TANC2: variants seen among roughly 807,000 people sequenced by gnomAD.
TANC2 encodes the protein protein TANC2.
TANC2 carries 26 observed loss-of-function variants against 210.5 expected under a neutral mutation model. The ratio of observed to expected loss-of-function variants is 0.12; its 90% CI spans 0.09 to 0.17. The LOEUF is 0.17. Ranked by LOEUF, TANC2 falls within the 10% of genes least tolerant of loss-of-function variation. The pLI, the probability that TANC2 is intolerant of heterozygous loss-of-function variation, is 1.00. For synonymous variants in TANC2, 931 were observed against 967.1 expected (o/e 0.96, Z 0.69); for missense variants, 2,129 against 2,608.9 (o/e 0.82, Z 4.01).
At chr17:63,103,781 A>G (rs2037720886) in intron 4 of TANC2, among the ~76,000 whole-genome samples, 1 of 152,180 alleles carries the variant, frequency 6.6e-6, no homozygotes, top group Non-Finnish European at 1.5e-5. Context: ...CGCACTTTTT[A>G]ATGAGTAATA....
exon 16 of TANC2, chr17:63,388,668 A>G: frequency 1.2e-6 from 2 of 1,607,272 alleles, no homozygotes; most frequent in South Asian, 1.1e-5. Flanking sequence ...ATCATCCTCC[A>G]TCCTCCAAGG....
intron 6 of TANC2, among the ~76,000 whole-genome samples, chr17:63,199,236 G>C (rs373601730): frequency 3.9e-5 from 6 of 152,040 alleles, no homozygotes; most frequent in African/African-American, 1.4e-4. Context: ...GAAGTTGAAA[G>C]GCTTCTTTTA....
At chr17:63,106,168 A>T (rs1294789678) in intron 4 of TANC2, among the ~76,000 whole-genome samples, 1 of 151,546 alleles carries the variant, frequency 6.6e-6, no homozygotes, top group African/African-American at 2.4e-5. Flanking sequence ...TGAAGAGGTT[A>T]TTTCTGTAGT....
intron 2 of TANC2, among the ~76,000 whole-genome samples, chr17:63,037,427 A>C (rs1238619097): frequency 6.6e-6 from 1 of 152,138 alleles, no homozygotes; most frequent in Non-Finnish European, 1.5e-5. Context: ...GGGTAACTGA[A>C]ACCATAGAAA....
exon 6 of TANC2, chr17:63,194,070 C>G: frequency 6.2e-7 from 1 of 1,613,280 alleles, no homozygotes; most frequent in Non-Finnish European, 8.5e-7. Flanking sequence ...TGGGTTTCCT[C>G]CTTGGAGAGA....
chr17:63,410,205 T>C (rs2147326383), intron 21 of TANC2, among the ~76,000 whole-genome samples: 1 of 152,316 alleles, frequency 6.6e-6, no homozygotes, highest in East Asian at 1.9e-4. Flanking sequence ...TATATTGTTA[T>C]TAACTATCAC....
Position 63,274,634 on chromosome 17 carries a change from T to TA in TANC2, c.1159+6765dup, listed in dbSNP as rs1234185317. Reference sequence around the variant, plus strand: ...TTCGAGACCACCCTGGGCAACATGGTAAAACCCCATCTCTACTTTAAAAAA... The same window carrying TA: ...TTCGAGACCACCCTGGGCAACATGGTAAAAACCCCATCTCTACTTTAAAAAA... On this transcript the variant is annotated intron_variant, in intron 9 of 27. Transcript: ENST00000689528. 3.3e-5 allele frequency among the ~76,000 whole-genome samples: 5 copies of TA among 151,998 alleles called. No homozygotes were observed. In the East Asian group the frequency reaches 9.6e-4, roughly 29 times the overall value.
chr17:63,223,499 C>G lies in TANC2; in HGVS notation c.770-14315C>G, dbSNP rs16946805. Among the ~76,000 whole-genome samples, 849 of 152,046 alleles carry G rather than the reference C, an allele frequency of 5.6e-3. 11 individuals are homozygous for G. Among genetic ancestry groups the G allele is most frequent in the African/African-American group, 0.02 (817 of 41,466 alleles). The stretch of plus-strand genomic sequence containing the variant: ...GCAGTGTATGGCAACAGTAGCAGTC[C>G]GAAGCAGGAGCAACAGCAGACACAG... On this transcript the variant is annotated intron_variant, in intron 7 of 27. Transcript: ENST00000689528.
At chr17:63,091,035 G>A (rs567510120) in intron 3 of TANC2, among the ~76,000 whole-genome samples, 119 of 151,036 alleles carry the variant, frequency 7.9e-4, no homozygotes, top group African/African-American at 2.7e-3. Context: ...CATATCCTTT[G>A]CCCACTTGTT....
chr17:63,121,326 AT>A (rs1244168499), intron 4 of TANC2, among the ~76,000 whole-genome samples: 6 of 152,100 alleles, frequency 3.9e-5, no homozygotes, highest in Non-Finnish European at 8.8e-5. Context: ...GAAGTAGTGC[AT>A]TTTTGTAGTG....
intron 7 of TANC2, among the ~76,000 whole-genome samples, chr17:63,227,680 C>T (rs1189122381): frequency 6.6e-6 from 1 of 151,930 alleles, no homozygotes; most frequent in Admixed American, 6.6e-5. Flanking sequence ...AAATCTTTAC[C>T]CATGCCTATG....
At chr17:63,038,483 T>C (rs1205512719) in intron 2 of TANC2, among the ~76,000 whole-genome samples, 1 of 152,148 alleles carries the variant, frequency 6.6e-6, no homozygotes, top group Non-Finnish European at 1.5e-5. Flanking sequence ...TAGTTTTCTT[T>C]TTTTGGTAAT....
chr17:63,126,035 G>C (rs534290653), intron 4 of TANC2, among the ~76,000 whole-genome samples: 1 of 152,262 alleles, frequency 6.6e-6, no homozygotes, highest in African/African-American at 2.4e-5. Flanking sequence ...GGTAGTAATA[G>C]TACCTACTAC....
chr17:63,327,045 T>G (rs539638497), intron 11 of TANC2, among the ~76,000 whole-genome samples: 13 of 152,040 alleles, frequency 8.6e-5, no homozygotes, highest in Admixed American at 1.3e-4. Flanking sequence ...AAAAACAACC[T>G]GATTAAAAAA....
At chr17:63,114,806 G>T (rs2038191190) in intron 4 of TANC2, among the ~76,000 whole-genome samples, 1 of 152,114 alleles carries the variant, frequency 6.6e-6, no homozygotes, top group African/African-American at 2.4e-5. Context: ...AATCATAAAG[G>T]AGTTAAAAAT....
At chr17:63,230,885 T>C (rs1362655504) in intron 7 of TANC2, among the ~76,000 whole-genome samples, 3 of 152,176 alleles carry the variant, frequency 2.0e-5, no homozygotes, top group Non-Finnish European at 4.4e-5. Flanking sequence ...CCCACTATTA[T>C]TGTGTAGGAG....
chr17:63,359,741 T>C (rs2046901806), intron 14 of TANC2, among the ~76,000 whole-genome samples: 3 of 152,036 alleles, frequency 2.0e-5, no homozygotes, highest in African/African-American at 7.2e-5. Flanking sequence ...CCTAATGAGA[T>C]TGTGATGTGG....
At chr17:63,422,400 C>T (rs1190181394) in exon 28 of TANC2, 1 of 177,014 alleles carries the variant, frequency 5.6e-6, no homozygotes, top group African/African-American at 2.4e-5. Flanking sequence ...CATCCTTAGC[C>T]AGTGTCACCC....
chr17:63,395,851 C>G, exon 18 of TANC2: 1 of 1,611,946 alleles, frequency 6.2e-7, no homozygotes. Context: ...GATGGCCGGC[C>G]AGCAGCAAGG....
Sources: allele counts gnomAD v4.1 joint callset (sites outside exome capture counted in the v4.1 genomes callset), GRCh38; gene constraint gnomAD v4.1.1; transcripts MANE v1.5; gene names NCBI Gene and HGNC (gene_info 2026-07-23, HGNC 2026-07-21).